WDR27: variants seen among roughly 807,000 people sequenced by gnomAD.
WDR27 encodes WD repeat-containing protein 27.
WDR27 carries 100 observed loss-of-function variants against 114.4 expected under a neutral mutation model. The ratio of observed to expected loss-of-function variants is 0.87; its 90% CI spans 0.74 to 1.03. WDR27 has a LOEUF of 1.03. Ranked by LOEUF, WDR27 falls within the 50% of genes least tolerant of loss-of-function variation. WDR27 has a pLI of 0.00. For synonymous variants in WDR27, 449 were observed against 423.1 expected (o/e 1.06, Z -0.75); for missense variants, 1,129 against 1,092.9 (o/e 1.03, Z -0.47).
chr6:169,569,629 T>C (rs368417998), intron 25 of WDR27, among the ~76,000 whole-genome samples: 2 of 152,344 alleles, frequency 1.3e-5, no homozygotes, highest in South Asian at 2.1e-4. Context: ...TTTTCCTTTT[T>C]TTCTCAACTA....
chr6:169,435,739 C>T, the WDR27 span, among the ~76,000 whole-genome samples: 1 of 152,272 alleles, frequency 6.6e-6, no homozygotes, highest in South Asian at 2.1e-4. Context: ...GGCTCATAGG[C>T]AGAAGGGACT....
intron 25 of WDR27, among the ~76,000 whole-genome samples, chr6:169,484,418 C>A (rs1788614290): frequency 6.6e-6 from 1 of 152,128 alleles, no homozygotes; most frequent in Non-Finnish European, 1.5e-5. Context: ...AACTCCCATT[C>A]ACAATGGCCT....
intron 25 of WDR27, among the ~76,000 whole-genome samples, chr6:169,464,140 T>G (rs578131283): frequency 2.0e-5 from 3 of 152,302 alleles, no homozygotes; most frequent in Admixed American, 1.3e-4. Flanking sequence ...TATTAATACA[T>G]ATCTTCAATA....
At chr6:169,628,628 T>C (rs1030927614) in intron 21 of WDR27, among the ~76,000 whole-genome samples, 2 of 152,200 alleles carry the variant, frequency 1.3e-5, no homozygotes, top group African/African-American at 4.8e-5. Context: ...GATGCAGCCT[T>C]CTCTCATCCT....
chr6:169,668,133 T>G lies in WDR27; in HGVS notation c.509A>C (p.Lys170Thr), dbSNP rs780774419. Residue 170 changes from lysine (K) to threonine (T), a missense_variant, in exon 5 of 26, where the codon AAA becomes ACA. By Grantham distance (78) the Lys-to-Thr change is moderately conservative. Coordinates refer to ENST00000448612, the MANE Select transcript of WDR27 (RefSeq NM_182552.5). ...GTGCAGGAAGGTCGGTGGTGGGACT[T>G]TGTGGCGGTTATTAACATCAGGACG... Reference protein sequence around the residue: ...IERPDVNNRHKVPPPTFLHTF... With the variant: ...IERPDVNNRHTVPPPTFLHTF... The G allele has an allele frequency of 1.2e-6, 2 of 1,613,866 alleles. No individual in the cohort carries two copies. The highest frequency in any genetic ancestry group is 1.3e-5 in the African/African-American group (1 of 74,924).
the WDR27 span, among the ~76,000 whole-genome samples, chr6:169,446,865 C>A: frequency 6.6e-6 from 1 of 152,214 alleles, no homozygotes; most frequent in African/African-American, 2.4e-5. Context: ...GTCCTGCTCT[C>A]ACGCTTAAGT....
At chr6:169,626,516 C>T (rs1814877916) in intron 21 of WDR27, among the ~76,000 whole-genome samples, 1 of 152,166 alleles carries the variant, frequency 6.6e-6, no homozygotes, top group African/African-American at 2.4e-5. Context: ...GGCTCAGCCC[C>T]AGGACCACCT....
At chr6:169,491,925 G>GA (rs917104876) in intron 25 of WDR27, among the ~76,000 whole-genome samples, 27 of 151,262 alleles carry the variant, frequency 1.8e-4, no homozygotes, top group African/African-American at 5.6e-4. Context: ...CTGAGAAAGA[G>GA]AAAAAAAATG....
chr6:169,449,872 C>G, the WDR27 span, among the ~76,000 whole-genome samples: 2 of 152,130 alleles, frequency 1.3e-5, no homozygotes, highest in Non-Finnish European at 2.9e-5. Flanking sequence ...AGGGAGAGCC[C>G]ATGCACACTA....
chr6:169,438,164 G>A, the WDR27 span, among the ~76,000 whole-genome samples: 2 of 151,718 alleles, frequency 1.3e-5, no homozygotes, highest in South Asian at 2.1e-4. Context: ...AAGTGAGATC[G>A]TGGCTTTTCT....
In WDR27 at chr6:169,486,586, G is replaced by A. The variant is rs549825264; in HGVS notation, c.2646-28952C>T. On this transcript the variant is annotated intron_variant, in intron 25 of 25. Transcript: ENST00000448612. Reference sequence around the variant, plus strand: ...GGCTCACTGCAACCTCCACCTCCCGGGTCCAAGCAATTCTCCTGCCTCAGC... The same window carrying A: ...GGCTCACTGCAACCTCCACCTCCCGAGTCCAAGCAATTCTCCTGCCTCAGC... Among the ~76,000 whole-genome samples the A allele has an allele frequency of 1.4e-4, 22 of 152,236 alleles. 1 individual carries two copies. In the South Asian group the frequency reaches 2.7e-3, roughly 19 times the overall value.
At chr6:169,448,987 C>A in the WDR27 span, among the ~76,000 whole-genome samples, 9 of 152,336 alleles carry the variant, frequency 5.9e-5, no homozygotes, top group Middle Eastern at 3.4e-3. Context: ...ACAGCCCACA[C>A]CAAAAATTAT....
intron 5 of WDR27, 39 bp from the exon 6 acceptor site, chr6:169,667,226 C>T (rs373871614): frequency 1.0e-5 from 15 of 1,454,980 alleles, no homozygotes; most frequent in Middle Eastern, 1.8e-4. Context: ...GAGGTAACAA[C>T]GTTGCCATTA....
At chr6:169,646,533 C>A (rs200677640) in intron 16 of WDR27, among the ~76,000 whole-genome samples, 1 of 152,046 alleles carries the variant, frequency 6.6e-6, no homozygotes, top group Non-Finnish European at 1.5e-5. Flanking sequence ...GATCACCGGA[C>A]GTCAGGAGTT....
chr6:169,656,962 T>TC lies in WDR27; in HGVS notation c.1402+1313dup, dbSNP rs1431386229. On this transcript the variant is annotated intron_variant, in intron 13 of 25. Coordinates refer to ENST00000448612, the MANE Select transcript of WDR27 (RefSeq NM_182552.5). Reference sequence around the variant, plus strand: ...GCAATGCTGGCTGAGCCTGGCCGCCTCCCCCCGGCCTTCATTCTCACAATT... The same window carrying TC: ...GCAATGCTGGCTGAGCCTGGCCGCCTCCCCCCCGGCCTTCATTCTCACAATT... 3.3e-5 allele frequency among the ~76,000 whole-genome samples: 5 copies of TC among 151,942 alleles called. No individual in the cohort carries two copies. In the East Asian group the frequency reaches 5.9e-4, roughly 18 times the overall value.
In WDR27 at chr6:169,671,898, C is replaced by T. The variant is rs189404540; in HGVS notation, c.331+357G>A. 1.5e-4 allele frequency: 25 copies of T among 161,978 alleles called. No individual in the cohort carries two copies. The East Asian group carries it at 2.8e-3, about 18-fold the overall frequency. The allele number at this position is 161,978 out of a possible 1,614,324, so 10.0% of individuals were successfully genotyped here. On this transcript the variant is annotated intron_variant, in intron 3 of 25. Transcript: ENST00000448612. ...TCTCCAGCCTGAAATATTACAGGTG[C>T]TCAAGACCCCTTGCTGTGCAAGGAA...
rs1828380702 is a variant in WDR27 at position 169,668,072 on chromosome 6, C to T, written c.570G>A (p.Leu190=). The T allele has an allele frequency of 1.2e-6, 2 of 1,613,936 alleles. No individual in the cohort carries two copies. The highest frequency in any genetic ancestry group is 8.5e-7 in the Non-Finnish European group (1 of 1,179,808). ...CAGTCACCGGGCCCAGGTGGCCCTG[C>T]AGCTCGGCCCGAACAGCCTGAGTCT... is the stretch of plus-strand genomic sequence containing the variant. ...FSQTQAVRAE[L]QGHLGPVTAV... is the part of the protein sequence containing the mutation. Residue 190 remains leucine, a synonymous_variant, in exon 5 of 26, where the codon CTG becomes CTA. Transcript: ENST00000448612.
chr6:169,681,485 G>A (rs1345782886), intron 2 of WDR27, among the ~76,000 whole-genome samples: 2 of 152,220 alleles, frequency 1.3e-5, no homozygotes, highest in Non-Finnish European at 2.9e-5. Context: ...TTCACTAAGC[G>A]TGCTCGTAGC....
chr6:169,519,397 T>C (rs567275858), intron 25 of WDR27, among the ~76,000 whole-genome samples: 1 of 152,314 alleles, frequency 6.6e-6, no homozygotes, highest in East Asian at 1.9e-4. Flanking sequence ...CTGCAGGATA[T>C]ACAGGAAGCA....
Sources: gnomAD v4.1 joint callset for allele counts (sites outside exome capture counted in the v4.1 genomes callset) on GRCh38, gnomAD v4.1.1 for gene constraint, MANE v1.5 for transcripts, NCBI Gene and HGNC (gene_info 2026-07-23, HGNC 2026-07-21) for gene names.